The following COL23A1 variants were observed in gnomAD, a reference collection of about 807,000 sequenced individuals.
COL23A1 encodes collagen type XXIII alpha 1 chain.
Under a neutral mutation model 99.3 loss-of-function variants are expected in COL23A1, and 97 were observed. The observed-to-expected ratio is 0.98, with a 90% CI of 0.83 to 1.16. The LOEUF (loss-of-function observed/expected upper bound fraction) is 1.16, where lower values mean the gene tolerates loss of function less well. Ranked by LOEUF, COL23A1 falls within the 50% of genes most tolerant of loss-of-function variation. COL23A1 has a pLI of 0.00. For missense variants in COL23A1, 762 were observed against 757.4 expected, an observed-to-expected ratio of 1.01 and a Z score of -0.07; for synonymous variants, 320 against 308.2, an observed-to-expected ratio of 1.04 and a Z score of -0.40.
At chr5:178,487,542 A>T (rs189490622) in intron 2 of COL23A1, among the ~76,000 whole-genome samples, 336 of 152,184 alleles carry the variant, frequency 2.2e-3, no homozygotes, top group Non-Finnish European at 3.6e-3. Context: ...TTAAACTTTA[A>T]AATGGGGTGA....
chr5:178,440,083 A>T (rs1460459616), intron 2 of COL23A1: 1 of 152,170 alleles, frequency 6.6e-6, no homozygotes, highest in Non-Finnish European at 1.5e-5. Context: ...CTAAAACTGG[A>T]TGGTGGTTGG....
At position 178,255,438 on chromosome 5, in the gene COL23A1, G is replaced by A. The variant is rs971320644; in HGVS notation, c.883-412C>T. Among the ~76,000 whole-genome samples the A allele has an allele frequency of 1.3e-5, 2 of 151,528 alleles. No individual in the cohort carries two copies. The highest frequency in any genetic ancestry group is 4.9e-5 in the African/African-American group (2 of 41,210). On this transcript the variant is annotated intron_variant, in intron 15 of 28. Coordinates refer to ENST00000390654, the MANE Select transcript of COL23A1 (RefSeq NM_173465.4). The surrounding 1 kb of genome is among the most constrained non-coding windows in gnomAD (Gnocchi z 4.2). ...CCTCCATTTCCCAGCCTCTGGGAGCGGCTGCACACGCCAAGCACCCACACG... is the reference window on the plus strand; with the variant it reads ...CCTCCATTTCCCAGCCTCTGGGAGCAGCTGCACACGCCAAGCACCCACACG...
intron 2 of COL23A1, among the ~76,000 whole-genome samples, chr5:178,449,247 G>GC (rs991757997): frequency 7.9e-5 from 12 of 152,278 alleles, no homozygotes; most frequent in Admixed American, 7.8e-4. Flanking sequence ...GAACTGGGAG[G>GC]CCCCTGGGAG....
intron 8 of COL23A1, among the ~76,000 whole-genome samples, chr5:178,266,468 GA>G (rs764831408): frequency 6.6e-6 from 1 of 152,044 alleles, no homozygotes; most frequent in Non-Finnish European, 1.5e-5. Context: ...AGGGTTGGGG[GA>G]TTGGGAGGAG....
intron 2 of COL23A1, among the ~76,000 whole-genome samples, chr5:178,462,913 C>T (rs918649710): frequency 1.3e-5 from 2 of 152,180 alleles, no homozygotes; most frequent in East Asian, 1.9e-4. Context: ...CAGATGACTG[C>T]GGAACGAGGA....
intron 5 of COL23A1, among the ~76,000 whole-genome samples, chr5:178,275,426 G>T (rs769962216): frequency 1.6e-4 from 25 of 152,154 alleles, no homozygotes; most frequent in Non-Finnish European, 1.3e-4. Flanking sequence ...GGCCTGTCGC[G>T]TATTTCCTAA....
intron 2 of COL23A1, among the ~76,000 whole-genome samples, chr5:178,546,718 C>T (rs1054266395): frequency 1.1e-4 from 16 of 152,228 alleles, no homozygotes; most frequent in Non-Finnish European, 2.2e-4. Context: ...ACAGCCAGTC[C>T]TATTTGTACC....
chr5:178,545,409 G>A (rs2113382609), intron 2 of COL23A1, among the ~76,000 whole-genome samples: 1 of 152,328 alleles, frequency 6.6e-6, no homozygotes, highest in Middle Eastern at 3.4e-3. Context: ...GACCTCACAG[G>A]GAAGGCAGCT....
At chr5:178,412,335 G>A (rs1765096603) in intron 2 of COL23A1, among the ~76,000 whole-genome samples, 1 of 152,046 alleles carries the variant, frequency 6.6e-6, no homozygotes, top group South Asian at 2.1e-4. Flanking sequence ...TGTTAATTGT[G>A]GCTACTTTCC....
intron 2 of COL23A1, among the ~76,000 whole-genome samples, chr5:178,547,135 TC>T (rs1475687827): frequency 1.3e-5 from 2 of 152,202 alleles, no homozygotes; most frequent in East Asian, 3.9e-4. Flanking sequence ...GGAAGGTATT[TC>T]CAAACTATTT....
intron 2 of COL23A1, among the ~76,000 whole-genome samples, chr5:178,508,940 C>G (rs956962091): frequency 6.6e-6 from 1 of 152,142 alleles, no homozygotes; most frequent in Non-Finnish European, 1.5e-5. Flanking sequence ...TTAGGAGGAA[C>G]AGAGAAAATA....
chr5:178,246,536 C>T, intron 22 of COL23A1, 83 bp from the exon 23 acceptor site: 1 of 1,384,230 alleles, frequency 7.2e-7, no homozygotes. Context: ...TGCAAGGGAG[C>T]TGGGATGTGG....
At chr5:178,257,449 A>G (rs577643363) in intron 13 of COL23A1, 74 bp downstream of exon 13, 1 of 1,505,208 alleles carries the variant, frequency 6.6e-7, no homozygotes, top group African/African-American at 1.4e-5. Context: ...GGTCCAGGGT[A>G]GGGACTTCAC....
intron 8 of COL23A1, among the ~76,000 whole-genome samples, chr5:178,263,728 T>C (rs7721938): frequency 0.11 from 16,376 of 152,208 alleles, 1,478 homozygotes; most frequent in African/African-American, 0.24. Flanking sequence ...CATTTAAGTA[T>C]GGAGGGGCAC....
chr5:178,278,171 C>T (rs1756697250), intron 5 of COL23A1, among the ~76,000 whole-genome samples: 1 of 152,232 alleles, frequency 6.6e-6, no homozygotes, highest in Admixed American at 6.5e-5. Context: ...ACAGCGTGAC[C>T]AGGACAGCTC....
At chr5:178,471,264 A>ATC (rs1405306514) in intron 2 of COL23A1, among the ~76,000 whole-genome samples, 5 of 151,854 alleles carry the variant, frequency 3.3e-5, no homozygotes, top group African/African-American at 1.2e-4. Context: ...TTTTTGAGAC[A>ATC]GAGTCTCGCT....
At chr5:178,314,834 G>A (rs1360340766) in intron 2 of COL23A1, among the ~76,000 whole-genome samples, 1 of 152,138 alleles carries the variant, frequency 6.6e-6, no homozygotes, top group African/African-American at 2.4e-5. Context: ...CCGTACGCTG[G>A]TAGCCGGTAG....
chr5:178,345,055 A>T (rs1760884112), intron 2 of COL23A1: 2 of 585,286 alleles, frequency 3.4e-6, no homozygotes, highest in Non-Finnish European at 6.6e-6. Context: ...GTCATTTGGA[A>T]TCTTATGTTA....
At chr5:178,350,243 C>A (rs1395882261) in intron 2 of COL23A1, among the ~76,000 whole-genome samples, 1 of 152,242 alleles carries the variant, frequency 6.6e-6, no homozygotes, top group African/African-American at 2.4e-5. Context: ...CTTCTTGCTC[C>A]CAGCCCTGCC....
Sources: allele counts gnomAD v4.1 joint callset (sites outside exome capture counted in the v4.1 genomes callset), GRCh38; gene constraint gnomAD v4.1.1; non-coding constraint Gnocchi (gnomAD v3.1); transcripts MANE v1.5; gene names NCBI Gene and HGNC (gene_info 2026-07-23, HGNC 2026-07-21).